PLCB4: variants seen among roughly 807,000 people sequenced by gnomAD.
The protein encoded by PLCB4 is 1-phosphatidylinositol 4,5-bisphosphate phosphodiesterase beta-4.
A neutral mutation model predicts 178.8 loss-of-function variants in PLCB4; 77 were observed. The ratio of observed to expected loss-of-function variants is 0.43; its 90% CI spans 0.36 to 0.52. PLCB4 has a LOEUF of 0.52. Ranked by LOEUF, PLCB4 falls within the 20% of genes least tolerant of loss-of-function variation. PLCB4 has a pLI of 0.00. For synonymous variants in PLCB4, 496 were observed against 490.8 expected, an observed-to-expected ratio of 1.01 and a Z score of -0.14; for missense variants, 1,024 against 1,453.4, an observed-to-expected ratio of 0.70 and a Z score of 4.80.
At chr20:9,266,645 T>C (rs2094352344) in intron 3 of PLCB4, among the ~76,000 whole-genome samples, 1 of 152,194 alleles carries the variant, frequency 6.6e-6, no homozygotes. Flanking sequence ...CTTCCTCTTT[T>C]GAAAGCTGCC....
At chr20:9,409,277 A>G (rs1447436390) in intron 24 of PLCB4, 96 bp downstream of exon 24, 1 of 973,906 alleles carries the variant, frequency 1.0e-6, no homozygotes, top group African/African-American at 1.7e-5. Flanking sequence ...CATTTTTTAA[A>G]GGAAGCAGAC....
intron 13 of PLCB4, among the ~76,000 whole-genome samples, chr20:9,381,496 C>G (rs111826000): frequency 0.018 from 2,730 of 152,284 alleles, 83 homozygotes; most frequent in African/African-American, 0.06. Context: ...GCGATCTGTT[C>G]AAGGAGAAAG....
chr20:9,364,071 T>G (rs146503392), intron 8 of PLCB4, among the ~76,000 whole-genome samples: 4 of 152,352 alleles, frequency 2.6e-5, no homozygotes, highest in African/African-American at 7.2e-5. Flanking sequence ...ACTTATCTTG[T>G]TATGGTATCC....
At chr20:9,288,668 G>A (rs943744591) in intron 3 of PLCB4, among the ~76,000 whole-genome samples, 4 of 151,824 alleles carry the variant, frequency 2.6e-5, no homozygotes, top group Admixed American at 6.6e-5. Flanking sequence ...GAGCCAAAAA[G>A]GATAAAGGAC....
At chr20:9,182,996 A>G (rs1297982579) in intron 2 of PLCB4, among the ~76,000 whole-genome samples, 1 of 152,196 alleles carries the variant, frequency 6.6e-6, no homozygotes, top group Non-Finnish European at 1.5e-5. Flanking sequence ...GTCTTTCTGC[A>G]GGGGTCAGGG....
At chr20:9,269,052 G>A (rs2094377370) in intron 3 of PLCB4, among the ~76,000 whole-genome samples, 1 of 152,110 alleles carries the variant, frequency 6.6e-6, no homozygotes, top group Non-Finnish European at 1.5e-5. Context: ...CAGGTCACAT[G>A]GGATCAAAAA....
chr20:9,464,336 TA>T (rs2043614529), intron 35 of PLCB4, among the ~76,000 whole-genome samples: 1 of 152,150 alleles, frequency 6.6e-6, no homozygotes, highest in Admixed American at 6.5e-5. Flanking sequence ...AGGAAAGATA[TA>T]AAATTGACAC....
intron 32 of PLCB4, among the ~76,000 whole-genome samples, chr20:9,449,021 T>C (rs1375471873): frequency 2.0e-5 from 3 of 152,146 alleles, no homozygotes; most frequent in African/African-American, 7.2e-5. Context: ...TTTTGGAAAA[T>C]GGCAATGATC....
chr20:9,247,727 C>T lies in PLCB4; in HGVS notation c.-16+30275C>T, dbSNP rs149029088. 1.0e-3 allele frequency among the ~76,000 whole-genome samples: 158 copies of T among 152,220 alleles called. 1 individual carries two copies. The Middle Eastern group carries it at 0.031, about 29-fold the overall frequency. ...TTCTGAAACAAAGTGCAGAATAGAG[C>T]AATTATGTAAACATAGATTTCCTGG... On this transcript the variant is annotated intron_variant, in intron 3 of 39. Transcript: ENST00000378473.
At chr20:9,158,002 C>T (rs1237007538) in intron 2 of PLCB4, among the ~76,000 whole-genome samples, 1 of 152,164 alleles carries the variant, frequency 6.6e-6, no homozygotes, top group South Asian at 2.1e-4. Context: ...TTACCTGTTC[C>T]ACCATTTATC....
intron 3 of PLCB4, among the ~76,000 whole-genome samples, chr20:9,236,757 A>G (rs1202805129): frequency 6.6e-6 from 1 of 152,234 alleles, no homozygotes; most frequent in Non-Finnish European, 1.5e-5. Context: ...GAAACTAACA[A>G]TGTCAGATGA....
chr20:9,152,391 T>C lies in PLCB4; in HGVS notation c.-79+56049T>C, dbSNP rs551676492. Among the ~76,000 whole-genome samples, 5 of 152,210 alleles carry C rather than the reference T, an allele frequency of 3.3e-5. No homozygotes were observed. The South Asian group carries it at 8.3e-4, about 25-fold the overall frequency. On this transcript the variant is annotated intron_variant, in intron 2 of 39. Transcript: ENST00000378473. ...TTTCATGGGCCGGGCCCAGTGTCCC[T>C]GTGTGGTGTACAGCCTAGGGACATA...
At chr20:9,078,316 G>A (rs1053753718) in intron 1 of PLCB4, among the ~76,000 whole-genome samples, 1 of 151,672 alleles carries the variant, frequency 6.6e-6, no homozygotes, top group Non-Finnish European at 1.5e-5. Flanking sequence ...GTTGATAAAG[G>A]ACTATATAAA....
chr20:9,280,394 C>T (rs1036525401), intron 3 of PLCB4: 1 of 911,824 alleles, frequency 1.1e-6, no homozygotes, highest in Non-Finnish European at 1.3e-6. Context: ...GCAGGAAGAC[C>T]TATCAAAGGA....
chr20:9,392,390 G>C (rs759133798), intron 17 of PLCB4, among the ~76,000 whole-genome samples: 1 of 152,168 alleles, frequency 6.6e-6, no homozygotes, highest in Admixed American at 6.5e-5. Context: ...TTGGTGTCCG[G>C]TCTATGTAAA....
chr20:9,296,817 A>G (rs985496723), intron 3 of PLCB4, among the ~76,000 whole-genome samples: 1 of 151,860 alleles, frequency 6.6e-6, no homozygotes, highest in Non-Finnish European at 1.5e-5. Context: ...ATGAGAACAC[A>G]TGGACACAGG....
chr20:9,346,277 T>C (rs997799506), intron 7 of PLCB4, among the ~76,000 whole-genome samples: 1 of 152,230 alleles, frequency 6.6e-6, no homozygotes, highest in African/African-American at 2.4e-5. Flanking sequence ...GTGATTCTTA[T>C]GCACACTCAA....
At chr20:9,390,475 A>G in intron 16 of PLCB4, 56 bp from the exon 17 acceptor site, 2 of 815,318 alleles carry the variant, frequency 2.5e-6, no homozygotes, top group Middle Eastern at 4.5e-4. Flanking sequence ...GGTGTTTCTT[A>G]TTCTTGGACG....
chr20:9,221,947 C>T (rs2147294572), intron 3 of PLCB4, among the ~76,000 whole-genome samples: 1 of 152,048 alleles, frequency 6.6e-6, no homozygotes, highest in South Asian at 2.1e-4. Context: ...AATAGTTCAC[C>T]TTTGCCTTTG....
Sources: allele counts gnomAD v4.1 joint callset (sites outside exome capture counted in the v4.1 genomes callset), GRCh38; gene constraint gnomAD v4.1.1; transcripts MANE v1.5; gene names NCBI Gene and HGNC (gene_info 2026-07-23, HGNC 2026-07-21).